The following LRMDA variants were observed in gnomAD, a reference collection of about 807,000 sequenced individuals.
The protein encoded by LRMDA is leucine-rich melanocyte differentiation-associated protein.
Under a neutral mutation model 29.8 loss-of-function variants are expected in LRMDA, and 18 were observed. The ratio of observed to expected loss-of-function variants is 0.60; its 90% CI spans 0.42 to 0.90. The LOEUF (loss-of-function observed/expected upper bound fraction) is 0.90, where lower values mean the gene tolerates loss of function less well. LRMDA is among the 40% of genes least tolerant of loss of function. The pLI is 0.00. For synonymous variants in LRMDA, 125 were observed against 109.4 expected (o/e 1.14, Z -0.89); for missense variants, 273 against 273.9 (o/e 1.00, Z 0.02).
chr10:75,448,922 T>C (rs919725381), intron 2 of LRMDA, among the ~76,000 whole-genome samples: 1 of 152,058 alleles, frequency 6.6e-6, no homozygotes, highest in Admixed American at 6.5e-5. Context: ...GATACTGAGG[T>C]GGGCAGATCA....
At chr10:76,159,725 A>G (rs1478410963) in intron 5 of LRMDA, among the ~76,000 whole-genome samples, 2 of 152,188 alleles carry the variant, frequency 1.3e-5, no homozygotes, top group Non-Finnish European at 2.9e-5. Context: ...CTATCAAACC[A>G]TGCAAAGACA....
chr10:75,692,229 T>TATATATATATATATAC (rs1842172391), intron 2 of LRMDA, among the ~76,000 whole-genome samples: 1 of 134,164 alleles, frequency 7.5e-6, no homozygotes, highest in Non-Finnish European at 1.5e-5. Context: ...AATATATATA[T>TATATATATATATATAC]ATATATATAT....
chr10:75,807,992 C>T (rs1843888441), intron 2 of LRMDA, among the ~76,000 whole-genome samples: 2 of 152,212 alleles, frequency 1.3e-5, no homozygotes, highest in Non-Finnish European at 2.9e-5. Context: ...TACAGAGGCA[C>T]ACAGTATGTG....
rs7083241 is a variant in LRMDA at position 75,984,305 on chromosome 10, G to A, written c.132-51703G>A. Among the ~76,000 whole-genome samples the A allele has an allele frequency of 2.0e-3, 299 of 152,144 alleles. 3 individuals are homozygous for A. The highest frequency in any genetic ancestry group is 7.0e-3 in the African/African-American group (291 of 41,408). ...GGGGAGGATATCCAAACCAGCAGGT[G>A]GAGGAGGAGAAAGAGACAAGAGCTC... On this transcript the variant is annotated intron_variant, in intron 2 of 6. Transcript: ENST00000611255.
At chr10:76,030,873 C>G (rs1342185215) in intron 2 of LRMDA, among the ~76,000 whole-genome samples, 2 of 152,212 alleles carry the variant, frequency 1.3e-5, no homozygotes, top group Non-Finnish European at 2.9e-5. Flanking sequence ...TCTCTCTTTT[C>G]TCCCTTCATT....
intron 6 of LRMDA, among the ~76,000 whole-genome samples, chr10:76,383,746 A>G (rs1049962546): frequency 4.6e-5 from 7 of 152,004 alleles, no homozygotes; most frequent in Admixed American, 1.3e-4. Context: ...TGTCTTTTCT[A>G]CATAGAACTA....
At chr10:76,273,392 A>G (rs1431136513) in intron 5 of LRMDA, among the ~76,000 whole-genome samples, 1 of 152,220 alleles carries the variant, frequency 6.6e-6, no homozygotes, top group Non-Finnish European at 1.5e-5. Context: ...TTTTATACTT[A>G]CTAATATCAC....
At chr10:76,411,832 T>C (rs1431764926) in intron 6 of LRMDA, among the ~76,000 whole-genome samples, 1 of 151,622 alleles carries the variant, frequency 6.6e-6, no homozygotes, top group Non-Finnish European at 1.5e-5. Flanking sequence ...CAGGCCACTT[T>C]GGAGACATAA....
At chr10:75,584,380 G>T (rs1295238406) in intron 2 of LRMDA, among the ~76,000 whole-genome samples, 1 of 152,070 alleles carries the variant, frequency 6.6e-6, no homozygotes, top group African/African-American at 2.4e-5. Flanking sequence ...CCATGTATGT[G>T]TCTATCATTC....
intron 6 of LRMDA, among the ~76,000 whole-genome samples, chr10:76,449,760 A>G (rs1350040389): frequency 6.6e-6 from 1 of 151,994 alleles, no homozygotes; most frequent in East Asian, 1.9e-4. Context: ...TAAATCCTAT[A>G]TTCCTCTGTC....
At chr10:76,203,653 T>C (rs1182256666) in intron 5 of LRMDA, among the ~76,000 whole-genome samples, 1 of 152,122 alleles carries the variant, frequency 6.6e-6, no homozygotes, top group Non-Finnish European at 1.5e-5. Context: ...CATCTCTCCA[T>C]GTGCCCGTCC....
chr10:75,845,352 A>G (rs771529010), intron 2 of LRMDA, among the ~76,000 whole-genome samples: 31 of 152,200 alleles, frequency 2.0e-4, no homozygotes, highest in Non-Finnish European at 4.0e-4. Context: ...AACAAGCTAT[A>G]TTATACCAGA....
chr10:76,546,826 A>G (rs982280205), intron 6 of LRMDA, among the ~76,000 whole-genome samples: 2 of 152,238 alleles, frequency 1.3e-5, no homozygotes, highest in Non-Finnish European at 2.9e-5. Context: ...CTAGAAGCCC[A>G]CAAATACCTC....
chr10:75,892,818 A>T (rs542778491), intron 2 of LRMDA, among the ~76,000 whole-genome samples: 3 of 152,246 alleles, frequency 2.0e-5, no homozygotes, highest in African/African-American at 7.2e-5. Context: ...AACCTTTAAA[A>T]CATTCCTCAT....
chr10:76,505,149 T>C (rs1044850986), intron 6 of LRMDA, among the ~76,000 whole-genome samples: 3 of 151,978 alleles, frequency 2.0e-5, no homozygotes, highest in Admixed American at 2.0e-4. Flanking sequence ...GTCTTCTGCC[T>C]TGTAAGAATT....
At chr10:76,071,759 G>A (rs896380997) in intron 5 of LRMDA, among the ~76,000 whole-genome samples, 22 of 152,236 alleles carry the variant, frequency 1.4e-4, no homozygotes, top group African/African-American at 4.6e-4. Context: ...TGCTTTGAAA[G>A]TGATTTATGA....
At chr10:75,556,683 T>C (rs1028450957) in intron 2 of LRMDA, among the ~76,000 whole-genome samples, 5 of 151,412 alleles carry the variant, frequency 3.3e-5, no homozygotes, top group Non-Finnish European at 5.9e-5. Context: ...TTACAGTGTA[T>C]GCATGTATAG....
intron 2 of LRMDA, among the ~76,000 whole-genome samples, chr10:75,638,717 T>C (rs528819977): frequency 1.5e-4 from 23 of 152,366 alleles, no homozygotes; most frequent in African/African-American, 4.8e-4. Flanking sequence ...GGGGAAAATA[T>C]ATCACTGTAA....
chr10:76,519,981 TG>T (rs1420939115), intron 6 of LRMDA, among the ~76,000 whole-genome samples: 1 of 152,154 alleles, frequency 6.6e-6, no homozygotes, highest in Non-Finnish European at 1.5e-5. Flanking sequence ...ACTTTTTACA[TG>T]GTTAGACCTA....
Sources: allele counts gnomAD v4.1 joint callset (sites outside exome capture counted in the v4.1 genomes callset), GRCh38; gene constraint gnomAD v4.1.1; transcripts MANE v1.5; gene names NCBI Gene and HGNC (gene_info 2026-07-23, HGNC 2026-07-21).